The following NOP56 variants were observed in gnomAD, a reference collection of about 807,000 sequenced individuals.
The protein encoded by NOP56 is NOP56 ribonucleoprotein.
A neutral mutation model predicts 58.3 loss-of-function variants in NOP56; 31 were observed. The observed-to-expected ratio is 0.53, with a 90% CI of 0.40 to 0.72. NOP56 has a LOEUF of 0.72. Ranked by LOEUF, NOP56 falls within the 30% of genes least tolerant of loss-of-function variation. The pLI is 0.00. For synonymous variants in NOP56, 313 were observed against 282.8 expected (o/e 1.11, Z -1.07); for missense variants, 669 against 739.9 (o/e 0.90, Z 1.11).
intron 2 of NOP56, 103 bp downstream of exon 2, chr20:2,653,034 G>A: frequency 9.3e-7 from 1 of 1,080,610 alleles, no homozygotes; most frequent in Non-Finnish European, 1.3e-6. Context: ...GCGGTTCGGG[G>A]CGGGGGGACG....
Position 2,658,198 on chromosome 20 carries a change from CAA to C in NOP56, c.1691_1692del (p.Lys564ArgfsTer9). On this transcript the variant is annotated frameshift_variant, in exon 12 of 12. Coordinates refer to ENST00000329276, the MANE Select transcript of NOP56 (RefSeq NM_006392.4). LOFTEE classifies it high-confidence loss of function. ...GCTCCAAGAAAAAGAGGAAATTCTC[CAA>C]AGAGGAGCCGGTCAGCAGTGGGCCT... ...SGSKKKRKFS[K>X]EEPVSSGPEE... is the part of the protein sequence containing the mutation. 2 of 1,607,398 alleles carry C rather than the reference CAA, an allele frequency of 1.2e-6. No individual in the cohort carries two copies. The highest frequency in any genetic ancestry group is 8.5e-7 in the Non-Finnish European group (1 of 1,176,632).
intron 7 of NOP56, 84 bp from the exon 8 acceptor site, chr20:2,655,850 T>C: frequency 6.2e-7 from 1 of 1,608,678 alleles, no homozygotes; most frequent in Non-Finnish European, 8.5e-7. Flanking sequence ...TTGTGCTTGA[T>C]GGGGAGGTGG....
Position 2,655,497 on chromosome 20 carries a change from T to A in NOP56, c.742T>A (p.Ser248Thr). 1 of 1,614,164 alleles carries A rather than the reference T, an allele frequency of 6.2e-7. No individual in the cohort carries two copies. The highest frequency in any genetic ancestry group is 8.5e-7 in the Non-Finnish European group (1 of 1,180,016). The stretch of plus-strand genomic sequence containing the variant: ...CAAGGCTAAGGCTATTCTGGATGCC[T>A]CACGGTCCTCCATGGGTCAGTGCAG... ...GAKAKAILDA[S>T]RSSMGMDISA... is the part of the protein sequence containing the mutation. Residue 248 changes from serine to threonine, a missense_variant, in exon 6 of 12, where the codon TCA (serine) becomes ACA (threonine). This residue lies in a region of NOP56 where 339 missense variants were observed against 430.5 expected (regional missense o/e 0.79). Transcript: ENST00000329276.
chr20:2,653,845 G>A (rs1032841495), intron 3 of NOP56: 4 of 268,838 alleles, frequency 1.5e-5, no homozygotes, highest in Non-Finnish European at 3.0e-5. Context: ...GGTAGAGACG[G>A]GGTTTCACCA....
intron 3 of NOP56, chr20:2,653,728 T>C: frequency 3.9e-6 from 1 of 255,634 alleles, no homozygotes; most frequent in Non-Finnish European, 7.8e-6. Context: ...CTGGGCTCAC[T>C]GCAACCTCTG....
intron 10 of NOP56, 88 bp downstream of exon 10, chr20:2,656,983 A>C (rs1484077963): frequency 1.2e-6 from 2 of 1,613,492 alleles, no homozygotes; most frequent in Non-Finnish European, 1.7e-6. Flanking sequence ...GAATGGAGGC[A>C]AAAAAACTGA....
At chr20:2,654,635 GA>G in intron 4 of NOP56, 60 bp downstream of exon 4, 1 of 1,608,264 alleles carries the variant, frequency 6.2e-7, no homozygotes, top group Non-Finnish European at 8.5e-7. Flanking sequence ...GGAGGTTCTG[GA>G]AACTTGGTTG....
Position 2,656,563 on chromosome 20 carries a change from G to T in NOP56, c.1159+14G>T, listed in dbSNP as rs2086820656. The T allele has an allele frequency of 6.2e-7, 1 of 1,613,402 alleles. No individual in the cohort carries two copies. The highest frequency in any genetic ancestry group is 8.5e-7 in the Non-Finnish European group (1 of 1,179,976). On this transcript the variant is annotated intron_variant, in intron 9 of 11. Transcript: ENST00000329276. ...ATTGCTTCTCTGGTATGGGTGGGGG[G>T]GCGTTGGCAGGTGTGAGAAGGGGCT...
chr20:2,656,244 C>T, intron 8 of NOP56, 157 bp from the exon 9 acceptor site: 1 of 1,605,206 alleles, frequency 6.2e-7, no homozygotes, highest in Non-Finnish European at 8.5e-7. Flanking sequence ...TTCCCTCTGC[C>T]TCTGGGAGCT....
At chr20:2,654,646 G>A (rs2086794155) in intron 4 of NOP56, 71 bp downstream of exon 4, 1 of 1,607,216 alleles carries the variant, frequency 6.2e-7, no homozygotes, top group South Asian at 1.1e-5. Flanking sequence ...AAACTTGGTT[G>A]CTTGTTGTGA....
intron 3 of NOP56, 136 bp downstream of exon 3, chr20:2,653,529 T>C: frequency 1.5e-6 from 1 of 673,258 alleles, no homozygotes; most frequent in Non-Finnish European, 2.6e-6. Context: ...AGCCATACAA[T>C]GTGTAATTTG....
intron 9 of NOP56, 42 bp from the exon 10 acceptor site, chr20:2,656,732 C>A (rs1266073008): frequency 6.2e-7 from 1 of 1,614,004 alleles, no homozygotes; most frequent in Non-Finnish European, 8.5e-7. Context: ...GGGGTAGTTT[C>A]TCTCTTTGGG....
intron 9 of NOP56, 58 bp downstream of exon 9, chr20:2,656,607 G>A: frequency 6.2e-7 from 1 of 1,609,240 alleles, no homozygotes; most frequent in Non-Finnish European, 8.5e-7. Flanking sequence ...GGGTGGGGAG[G>A]CTTGCAACCA....
rs747898509 is a variant in NOP56, at chr20:2,653,388, C to G, written c.203C>G (p.Ser68Cys). Residue 68 changes from serine to cysteine, a missense_variant, in exon 3 of 12, where the codon TCT (serine) becomes TGT (cysteine). Ser to Cys is a moderately radical substitution (Grantham distance 112). This residue lies in a region of NOP56 where 121 missense variants were observed against 113.1 expected (regional missense o/e 1.07). Transcript: ENST00000329276. Reference protein sequence around the residue: ...QVALENANAVSEGVVHEDLRL... With the variant: ...QVALENANAVCEGVVHEDLRL... ...GCCTTGGAAAATGCCAACGCCGTGTCTGAAGGTAAGTCGGCCACCGCCAAG... is the reference window on the plus strand; with the variant it reads ...GCCTTGGAAAATGCCAACGCCGTGTGTGAAGGTAAGTCGGCCACCGCCAAG... The G allele has an allele frequency of 1.9e-6, 3 of 1,613,578 alleles. No individual in the cohort carries two copies. The Admixed American group carries it at 5.0e-5, about 27-fold the overall frequency.
At position 2,654,468 on chromosome 20, in the gene NOP56, A is replaced by G. The variant is rs2086791552; in HGVS notation, c.263A>G (p.Lys88Arg). The change falls in exon 4 of 12, where the codon AAG becomes AGG. Residue 88 changes from lysine (K) to arginine (R), a missense_variant. Lys to Arg is a conservative substitution (Grantham distance 26, BLOSUM62 2). This residue lies in a region of NOP56 where 121 missense variants were observed against 113.1 expected (regional missense o/e 1.07). Coordinates refer to ENST00000329276, the MANE Select transcript of NOP56 (RefSeq NM_006392.4). ...LLLETHLPSK[K>R]KKVLLGVGDP... ...TTGGAGACCCACCTGCCGTCCAAAA[A>G]GAAGAAAGTACTCTTGGGAGTTGGG... The G allele has an allele frequency of 1.2e-6, 2 of 1,614,086 alleles. No individual in the cohort carries two copies. Among genetic ancestry groups the G allele is most frequent in the East Asian group, 2.2e-5 (1 of 44,902 alleles).
chr20:2,652,752 G>GGCCTGGGCCTGGGCCTGC (rs1555779375), intron 1 of NOP56, 89 bp downstream of exon 1: 14 of 1,508,324 alleles, frequency 9.3e-6, no homozygotes, highest in South Asian at 3.7e-5. Context: ...CCTGGGCCTG[G>GGCCTGGGCCTGGGCCTGC]GCCTGCGCCT....
chr20:2,656,636 CA>C (rs1328284019), intron 9 of NOP56, 87 bp downstream of exon 9: 4 of 1,606,334 alleles, frequency 2.5e-6, no homozygotes, highest in Non-Finnish European at 3.4e-6. Flanking sequence ...ACAATGATGG[CA>C]ATATTTTTCG....
At position 2,654,795 on chromosome 20, in the gene NOP56, G is replaced by C. The variant is rs140571524; in HGVS notation, c.417G>C (p.Leu139=). Residue 139 remains leucine (L), a synonymous_variant, in exon 5 of 12, where the codon CTG becomes CTC. Coordinates refer to ENST00000329276, the MANE Select transcript of NOP56 (RefSeq NM_006392.4). ...FHNLVKGLTD[L]SACKAQLGLG... ...ATCTGGTGAAGGGTCTGACCGATCTGTCAGCTTGTAAAGCACAGCTGGGGC... is the reference window on the plus strand; with the variant it reads ...ATCTGGTGAAGGGTCTGACCGATCTCTCAGCTTGTAAAGCACAGCTGGGGC... The C allele has an allele frequency of 1.2e-6, 2 of 1,614,170 alleles. No homozygotes were observed. Among genetic ancestry groups the C allele is most frequent in the Non-Finnish European group, 1.7e-6 (2 of 1,180,048 alleles).
At chr20:2,656,279 A>G in intron 8 of NOP56, 122 bp from the exon 9 acceptor site, 2 of 1,605,466 alleles carry the variant, frequency 1.2e-6, no homozygotes, top group East Asian at 2.2e-5. Context: ...ATTGGGGTAG[A>G]GATCCAATCT....
Sources: gnomAD v4.1 joint callset for allele counts on GRCh38, gnomAD v4.1.1 for gene constraint, gnomAD v4.1.1 regional missense constraint, MANE v1.5 for transcripts, NCBI Gene and HGNC (gene_info 2026-07-23, HGNC 2026-07-21) for gene names.